Variants in TMEM45B observed in about 807,000 individuals in gnomAD.
TMEM45B encodes transmembrane protein 45B.
TMEM45B carries 29 observed loss-of-function variants against 27.3 expected under a neutral mutation model. The ratio of observed to expected loss-of-function variants is 1.06; its 90% CI spans 0.79 to 1.45. The LOEUF is 1.45. TMEM45B is among the 40% of genes most tolerant of loss of function. The pLI is 0.00. For missense variants in TMEM45B, 348 were observed against 343.9 expected (o/e 1.01, Z -0.09); for synonymous variants, 143 against 134.7 (o/e 1.06, Z -0.43).
rs139011868 is a variant in TMEM45B, at chr11:129,852,632, C to T, written c.150C>T (p.Ala50=). The T allele has an allele frequency of 1.1e-3, 1,754 of 1,610,978 alleles. 26 individuals carry two copies. The African/African-American group carries it at 0.021, about 19-fold the overall frequency. ...ATCAGCGTCTCGAGATCGTCGAAGC[C>T]GCAATTAGGACTTTGTTTTCCGTCA... ...HYYQRLEIVE[A]AIRTLFSVTG... The change falls in exon 2 of 6, where the codon GCC becomes GCT. Residue 50 remains alanine (A), a synonymous_variant. Transcript: ENST00000281441.
chr11:129,841,584 G>GTTTTTTTTTTTTT (rs1192996579), intron 1 of TMEM45B, among the ~76,000 whole-genome samples: 8 of 102,574 alleles, frequency 7.8e-5, no homozygotes, highest in African/African-American at 1.8e-4. Flanking sequence ...GTTTTCTTTT[G>GTTTTTTTTTTTTT]TTTTTTTGTT....
At chr11:129,819,394 G>A (rs992018758) in intron 1 of TMEM45B, among the ~76,000 whole-genome samples, 1 of 152,320 alleles carries the variant, frequency 6.6e-6, no homozygotes, top group African/African-American at 2.4e-5. Flanking sequence ...CGATATGAAC[G>A]TCATCTGAGA....
chr11:129,835,481 G>A (rs1947609164), intron 1 of TMEM45B, among the ~76,000 whole-genome samples: 1 of 152,224 alleles, frequency 6.6e-6, no homozygotes, highest in East Asian at 1.9e-4. Flanking sequence ...ACAGAAATAG[G>A]AAGAAATGAA....
intron 1 of TMEM45B, among the ~76,000 whole-genome samples, chr11:129,847,701 GGGGTAA>G (rs1474455846): frequency 1.3e-5 from 2 of 151,922 alleles, no homozygotes; most frequent in Admixed American, 6.6e-5. Flanking sequence ...CACAGGGTTG[GGGGTAA>G]GGTCATAGAT....
chr11:129,852,754 T>A (rs1235127575), intron 2 of TMEM45B, 94 bp downstream of exon 2: 1 of 1,382,498 alleles, frequency 7.2e-7, no homozygotes, highest in Non-Finnish European at 9.8e-7. Context: ...ATGTTCCCAC[T>A]GGCAGAGATA....
Position 129,837,585 on chromosome 11 carries a change from C to CTTTTTTTTTTTTT in TMEM45B, c.-8-14887_-8-14875dup, listed in dbSNP as rs200040338. 2.2e-3 allele frequency among the ~76,000 whole-genome samples: 179 copies of CTTTTTTTTTTTTT among 80,252 alleles called. 29 individuals are homozygous for CTTTTTTTTTTTTT. The highest frequency in any genetic ancestry group is 4.6e-3 in the African/African-American group (107 of 23,174). 52.6% of individuals were successfully genotyped at this position (80,252 alleles called of 152,430 possible). ...TACAGGCATGAGCCACTGCACTGGG[C>CTTTTTTTTTTTTT]TTTTTTTTTTTTTTTGAGACAGGGT... On this transcript the variant is annotated intron_variant, in intron 1 of 5. Transcript: ENST00000281441.
chr11:129,859,781 T>G lies in TMEM45B; in HGVS notation c.*1096T>G, dbSNP rs1947983229. On this transcript the variant is annotated 3_prime_UTR_variant, in exon 6 of 6. Coordinates refer to ENST00000281441, the MANE Select transcript of TMEM45B (RefSeq NM_138788.5). Reference sequence around the variant, plus strand: ...TTGCAGTGAGCCCAGATCATGCCACTGTACTCCAGCCTAGGTGACAGAGCA... The same window carrying G: ...TTGCAGTGAGCCCAGATCATGCCACGGTACTCCAGCCTAGGTGACAGAGCA... 1 of 152,234 alleles carries G rather than the reference T, an allele frequency of 6.6e-6. No homozygotes were observed. The highest frequency in any genetic ancestry group is 1.5e-5 in the Non-Finnish European group (1 of 68,060). The allele number at this position is 152,234 out of a possible 1,614,324, so 9.4% of individuals were successfully genotyped here.
chr11:129,829,706 C>T (rs555959184), intron 1 of TMEM45B, among the ~76,000 whole-genome samples: 233 of 152,336 alleles, frequency 1.5e-3, no homozygotes, highest in Middle Eastern at 0.01. Flanking sequence ...TATAATCTTT[C>T]TCCTGTTTCC....
chr11:129,827,435 GTACCACACACTGTAAGCAGTTA>G (rs2135559318), intron 1 of TMEM45B, among the ~76,000 whole-genome samples: 2 of 152,296 alleles, frequency 1.3e-5, no homozygotes, highest in East Asian at 3.9e-4. Flanking sequence ...GCACATTACC[GTACCACACACTGTAAGCAGTTA>G]TAGCACAGTG....
chr11:129,832,065 CAAAA>C (rs57336005), intron 1 of TMEM45B, among the ~76,000 whole-genome samples: 1 of 58,600 alleles, frequency 1.7e-5, no homozygotes, highest in Non-Finnish European at 2.8e-5. Flanking sequence ...GATTCCATCT[CAAAA>C]AAAAAAAAAA....
chr11:129,839,781 C>T (rs910255460), intron 1 of TMEM45B, among the ~76,000 whole-genome samples: 1 of 152,136 alleles, frequency 6.6e-6, no homozygotes, highest in African/African-American at 2.4e-5. Flanking sequence ...GCAATCTTCC[C>T]GCCTCAGGCT....
intron 4 of TMEM45B, 101 bp downstream of exon 4, chr11:129,855,993 C>A (rs1947919098): frequency 7.3e-7 from 1 of 1,372,416 alleles, no homozygotes; most frequent in Non-Finnish European, 1.0e-6. Context: ...TCTGAAAATG[C>A]AGCATTAACA....
chr11:129,845,521 A>G (rs756260008), intron 1 of TMEM45B, among the ~76,000 whole-genome samples: 9 of 152,152 alleles, frequency 5.9e-5, no homozygotes, highest in Non-Finnish European at 1.3e-4. Flanking sequence ...GGAAAAAAAT[A>G]TATATAGCTT....
At chr11:129,852,806 G>A (rs760231294) in intron 2 of TMEM45B, 146 bp downstream of exon 2, 163 of 788,766 alleles carry the variant, frequency 2.1e-4, no homozygotes, top group East Asian at 4.0e-4. Context: ...CTATTTTATC[G>A]TAACATCCAT....
At chr11:129,832,858 A>T (rs1171514786) in intron 1 of TMEM45B, among the ~76,000 whole-genome samples, 2 of 152,192 alleles carry the variant, frequency 1.3e-5, no homozygotes, top group Non-Finnish European at 2.9e-5. Context: ...AAGTAAAAAA[A>T]CTTAGTAAGG....
At chr11:129,855,373 T>C (rs1342588248) in intron 3 of TMEM45B, among the ~76,000 whole-genome samples, 1 of 151,892 alleles carries the variant, frequency 6.6e-6, no homozygotes, top group Non-Finnish European at 1.5e-5. Flanking sequence ...ACAACCTCAC[T>C]TCTGTACCTC....
intron 1 of TMEM45B, among the ~76,000 whole-genome samples, chr11:129,830,194 G>A (rs553697356): frequency 6.6e-6 from 1 of 152,322 alleles, no homozygotes; most frequent in East Asian, 1.9e-4. Context: ...AGGTGTGGTG[G>A]CGCATGCCTG....
At position 129,837,585 on chromosome 11, in the gene TMEM45B, C is replaced by CTTTTTTTTTTTTTTTTTTTTTTTTTT. The variant is rs200040338; in HGVS notation, c.-8-14875_-8-14874insTTTTTTTTTTTTTTTTTTTTTTTTTT. 2.4e-3 allele frequency among the ~76,000 whole-genome samples: 189 copies of CTTTTTTTTTTTTTTTTTTTTTTTTTT among 80,228 alleles called. 39 individuals carry two copies. Among genetic ancestry groups the CTTTTTTTTTTTTTTTTTTTTTTTTTT allele is most frequent in the East Asian group, 5.5e-3 (12 of 2,186 alleles). 52.6% of individuals were successfully genotyped at this position (80,228 alleles called of 152,430 possible). ...TACAGGCATGAGCCACTGCACTGGG[C>CTTTTTTTTTTTTTTTTTTTTTTTTTT]TTTTTTTTTTTTTTTGAGACAGGGT... On this transcript the variant is annotated intron_variant, in intron 1 of 5. Transcript: ENST00000281441.
chr11:129,856,223 GTTTGT>G (rs1168921403), intron 4 of TMEM45B, among the ~76,000 whole-genome samples: 1 of 152,090 alleles, frequency 6.6e-6, no homozygotes, highest in African/African-American at 2.4e-5. Flanking sequence ...CTGTTTTGTT[GTTTGT>G]TTTGAGAGAG....
Sources: allele counts gnomAD v4.1 joint callset (sites outside exome capture counted in the v4.1 genomes callset), GRCh38; gene constraint gnomAD v4.1.1; transcripts MANE v1.5; gene names NCBI Gene and HGNC (gene_info 2026-07-23, HGNC 2026-07-21).